The following ERBB4 variants were observed in gnomAD, a reference collection of about 807,000 sequenced individuals.
ERBB4 encodes the protein erb-b2 receptor tyrosine kinase 4.
Under a neutral mutation model 158.0 loss-of-function variants are expected in ERBB4, and 42 were observed. The observed-to-expected ratio is 0.27, with a 90% confidence interval of 0.21 to 0.34. The LOEUF (loss-of-function observed/expected upper bound fraction) is 0.34. Among genes scored for constraint, ERBB4 ranks in the 10% least tolerant of loss-of-function variants. The probability of loss-of-function intolerance (pLI) is 1.00; values close to 1 mark genes in which losing one functional copy is unlikely to be tolerated. For missense variants in ERBB4, 1,333 were observed against 1,624.1 expected, an observed-to-expected ratio of 0.82 and a Z score of 3.08; for synonymous variants, 583 against 558.7, an observed-to-expected ratio of 1.04 and a Z score of -0.61.
intron 3 of ERBB4, among the ~76,000 whole-genome samples, chr2:211,863,332 G>C (rs547442994): frequency 6.6e-6 from 1 of 152,172 alleles, no homozygotes; most frequent in Non-Finnish European, 1.5e-5. Flanking sequence ...GACATGAGCA[G>C]GGACAAATAA....
At chr2:211,928,370 C>G (rs1395332369) in intron 3 of ERBB4, among the ~76,000 whole-genome samples, 2 of 152,034 alleles carry the variant, frequency 1.3e-5, no homozygotes, top group Non-Finnish European at 2.9e-5. Context: ...ATAAAACAAC[C>G]ATTGTCCTAT....
At chr2:211,940,970 T>C (rs374922372) in intron 3 of ERBB4, among the ~76,000 whole-genome samples, 38 of 152,172 alleles carry the variant, frequency 2.5e-4, no homozygotes, top group African/African-American at 8.7e-4. Flanking sequence ...AATTATAACA[T>C]TTCCTCTTTT....
chr2:211,461,037 G>A (rs2064515958), intron 20 of ERBB4, among the ~76,000 whole-genome samples: 1 of 151,462 alleles, frequency 6.6e-6, no homozygotes, highest in Non-Finnish European at 1.5e-5. Context: ...GTTTATATTA[G>A]ACAGCTAGCA....
chr2:212,365,018 A>C (rs2089833570), intron 1 of ERBB4, among the ~76,000 whole-genome samples: 2 of 151,724 alleles, frequency 1.3e-5, no homozygotes, highest in African/African-American at 4.8e-5. Context: ...CAAAATATTT[A>C]AATCTTATTT....
intron 2 of ERBB4, among the ~76,000 whole-genome samples, chr2:212,100,722 G>C (rs1328067658): frequency 6.6e-6 from 1 of 152,192 alleles, no homozygotes; most frequent in Non-Finnish European, 1.5e-5. Context: ...ACTGGGAGCA[G>C]TGGAGACCAA....
At chr2:211,954,608 C>T (rs1335696037) in intron 2 of ERBB4, among the ~76,000 whole-genome samples, 1 of 151,976 alleles carries the variant, frequency 6.6e-6, no homozygotes, top group Non-Finnish European at 1.5e-5. Context: ...GTCAAATAAA[C>T]CTGTAGTATC....
chr2:211,555,627 A>G (rs1043552240), intron 20 of ERBB4, among the ~76,000 whole-genome samples: 4 of 152,246 alleles, frequency 2.6e-5, no homozygotes, highest in Admixed American at 6.5e-5. Flanking sequence ...TGGACCTCTC[A>G]GCAGAAACCC....
intron 4 of ERBB4, among the ~76,000 whole-genome samples, chr2:211,765,277 A>T (rs1438943245): frequency 6.6e-6 from 1 of 152,182 alleles, no homozygotes; most frequent in Non-Finnish European, 1.5e-5. Flanking sequence ...AGGCATCATC[A>T]TGCTTTTTGG....
chr2:211,404,943 G>A (rs2125362832), intron 25 of ERBB4, among the ~76,000 whole-genome samples: 1 of 152,178 alleles, frequency 6.6e-6, no homozygotes, highest in Middle Eastern at 3.4e-3. Context: ...ACTGATTTGT[G>A]GAAATCAAGG....
At chr2:211,772,838 C>CATATATATATAT (rs1278564933) in intron 4 of ERBB4, among the ~76,000 whole-genome samples, 4 of 18,310 alleles carry the variant, frequency 2.2e-4, no homozygotes, top group African/African-American at 5.2e-4. Context: ...TATATATACA[C>CATATATATATAT]ATATATATAT....
chr2:211,842,317 C>T (rs1186122179), intron 3 of ERBB4, among the ~76,000 whole-genome samples: 2 of 151,600 alleles, frequency 1.3e-5, no homozygotes, highest in African/African-American at 2.4e-5. Flanking sequence ...AACATTTTTC[C>T]TTGTTAATAC....
intron 3 of ERBB4, among the ~76,000 whole-genome samples, chr2:211,924,621 C>A: frequency 1.3e-5 from 2 of 152,066 alleles, no homozygotes; most frequent in South Asian, 4.2e-4. Context: ...ACAAAGATAA[C>A]AGATCTCATT....
chr2:211,401,750 T>C (rs1471155626), intron 25 of ERBB4, among the ~76,000 whole-genome samples: 1 of 152,070 alleles, frequency 6.6e-6, no homozygotes, highest in Non-Finnish European at 1.5e-5. Flanking sequence ...TACAGAAAAG[T>C]GCTTAGATTG....
At chr2:212,265,467 G>T (rs2085098340) in intron 1 of ERBB4, among the ~76,000 whole-genome samples, 1 of 152,028 alleles carries the variant, frequency 6.6e-6, no homozygotes, top group Non-Finnish European at 1.5e-5. Context: ...CACATTTATA[G>T]CTCCTATCCT....
At chr2:211,719,956 C>T (rs940497364) in intron 7 of ERBB4, among the ~76,000 whole-genome samples, 27 of 151,324 alleles carry the variant, frequency 1.8e-4, no homozygotes, top group Non-Finnish European at 3.1e-4. Context: ...TTAATGAAGT[C>T]ACATTTAAGG....
chr2:211,528,894 A>G (rs2066420467), intron 20 of ERBB4, among the ~76,000 whole-genome samples: 1 of 152,022 alleles, frequency 6.6e-6, no homozygotes, highest in African/African-American at 2.4e-5. Context: ...AAGTCCCTAC[A>G]TAAAAAAGAG....
chr2:212,116,751 A>G lies in ERBB4; in HGVS notation c.234+8001T>C, dbSNP rs142684561. Among the ~76,000 whole-genome samples the G allele has an allele frequency of 7.0e-3, 1,065 of 152,342 alleles. 7 individuals are homozygous for G. The highest frequency in any genetic ancestry group is 0.024 in the Middle Eastern group (7 of 294). On this transcript the variant is annotated intron_variant, in intron 2 of 27. Coordinates refer to ENST00000342788, the MANE Select transcript of ERBB4 (RefSeq NM_005235.3). ...GCATCAGCCTATTGAAAATATTTTTATTTAACATTTAATTGAAATGATTAA... is the reference window on the plus strand; with the variant it reads ...GCATCAGCCTATTGAAAATATTTTTGTTTAACATTTAATTGAAATGATTAA...
At chr2:212,058,169 C>T (rs200001883) in intron 2 of ERBB4, among the ~76,000 whole-genome samples, 5 of 152,208 alleles carry the variant, frequency 3.3e-5, no homozygotes, top group Non-Finnish European at 4.4e-5. Flanking sequence ...CAACTCTACA[C>T]AAATAAACTA....
chr2:211,577,886 C>G (rs761060090), intron 19 of ERBB4, among the ~76,000 whole-genome samples: 1 of 152,146 alleles, frequency 6.6e-6, no homozygotes, highest in Non-Finnish European at 1.5e-5. Context: ...GAAGCATTAT[C>G]TTTGAAAACT....
Sources: allele counts gnomAD v4.1 joint callset (sites outside exome capture counted in the v4.1 genomes callset), GRCh38; gene constraint gnomAD v4.1.1; transcripts MANE v1.5; gene names NCBI Gene and HGNC (gene_info 2026-07-23, HGNC 2026-07-21).